ADGRL2: variants seen among roughly 807,000 people sequenced by gnomAD.
ADGRL2 encodes calcium-independent alpha-latrotoxin receptor 2.
In ADGRL2, 44 loss-of-function variants were observed where a neutral mutation model predicts 157.4. That is an observed-to-expected ratio of 0.28 (90% confidence interval 0.22 to 0.36). The LOEUF is 0.36. Among genes scored for constraint, ADGRL2 ranks in the 10% least tolerant of loss-of-function variants. ADGRL2 has a pLI of 1.00. For missense variants in ADGRL2, 1,510 were observed against 1,768.9 expected (o/e 0.85, Z 2.63); for synonymous variants, 585 against 624.7 (o/e 0.94, Z 0.95).
At chr1:81,883,432 T>C (rs1438586669) in intron 2 of ADGRL2, among the ~76,000 whole-genome samples, 1 of 152,174 alleles carries the variant, frequency 6.6e-6, no homozygotes, top group Admixed American at 6.5e-5. Flanking sequence ...GACTATTGCT[T>C]TGATGTAGAT....
rs888488682 is a variant in ADGRL2, at chr1:81,991,645, T to C, written c.*500T>C. ...TCAGTTTGCAGTTCACTGCAAATCTTTTACATTAAGGCAAAGATTGAAAAC... is the reference window on the plus strand; with the variant it reads ...TCAGTTTGCAGTTCACTGCAAATCTCTTACATTAAGGCAAAGATTGAAAAC... On this transcript the variant is annotated 3_prime_UTR_variant, in exon 24 of 24. Coordinates refer to ENST00000686636, the MANE Select transcript of ADGRL2 (RefSeq NM_001366006.2). The C allele has an allele frequency of 7.8e-5, 12 of 153,382 alleles. No individual in the cohort carries two copies. The highest frequency in any genetic ancestry group is 2.9e-4 in the African/African-American group (12 of 41,460). 9.5% of individuals were successfully genotyped at this position (153,382 alleles called of 1,614,324 possible). A position where few individuals can be genotyped will look rare whatever the true frequency, so the allele number is the denominator to read the frequency against.
intron 1 of ADGRL2, among the ~76,000 whole-genome samples, chr1:81,832,833 C>T (rs2092042119): frequency 6.6e-6 from 1 of 152,262 alleles, no homozygotes; most frequent in African/African-American, 2.4e-5. Context: ...GTTTGCTTAG[C>T]TGACTTACTG....
chr1:81,416,909 A>G (rs955320235), intron 1 of ADGRL2, among the ~76,000 whole-genome samples: 2 of 152,216 alleles, frequency 1.3e-5, no homozygotes, highest in African/African-American at 4.8e-5. Flanking sequence ...TAATTATCTT[A>G]GAATTGGGCT....
rs1314922174 is a variant in ADGRL2, at chr1:81,976,013, G to A, written c.3022-3856G>A. ...TTAGCATTACATTTTTTTAACATTGGAGAAAATAAGATAACTGTAAAACCA... is the reference window on the plus strand; with the variant it reads ...TTAGCATTACATTTTTTTAACATTGAAGAAAATAAGATAACTGTAAAACCA... On this transcript the variant is annotated intron_variant, in intron 17 of 23. Transcript: ENST00000686636. Among the ~76,000 whole-genome samples the A allele has an allele frequency of 4.0e-5, 6 of 151,762 alleles. No individual in the cohort carries two copies. In the South Asian group the frequency reaches 6.2e-4, roughly 16 times the overall value.
chr1:81,948,345 A>G (rs1292456438), intron 6 of ADGRL2, among the ~76,000 whole-genome samples: 2 of 152,100 alleles, frequency 1.3e-5, no homozygotes, highest in Non-Finnish European at 2.9e-5. Flanking sequence ...TTTAATGTCT[A>G]CCTTGACTCG....
chr1:81,546,564 C>T (rs2080023346), intron 2 of ADGRL2, among the ~76,000 whole-genome samples: 1 of 152,166 alleles, frequency 6.6e-6, no homozygotes, highest in African/African-American at 2.4e-5. Flanking sequence ...AGAAATGGCG[C>T]TTATTTCTTT....
chr1:81,479,334 T>A (rs892476630), intron 2 of ADGRL2, among the ~76,000 whole-genome samples: 7 of 148,248 alleles, frequency 4.7e-5, no homozygotes, highest in African/African-American at 7.5e-5. Flanking sequence ...AAAAAAAAAA[T>A]TAGCTGGGTG....
chr1:81,898,022 T>C (rs2094423936), intron 2 of ADGRL2, among the ~76,000 whole-genome samples: 1 of 152,156 alleles, frequency 6.6e-6, no homozygotes, highest in South Asian at 2.1e-4. Flanking sequence ...TTCGAGCCCA[T>C]ATGCTTGAGC....
At position 81,802,101 on chromosome 1, in the gene ADGRL2, C is replaced by T. The variant is rs1269288210; in HGVS notation, c.-101+1033C>T. ...TGCGGCGCTGCCTCCCGCGCGGACT[C>T]GGCGGCCGAGGACCCGCTCGCGGCC... On this transcript the variant is annotated intron_variant, in intron 1 of 23. Transcript: ENST00000686636. 2.0e-5 allele frequency among the ~76,000 whole-genome samples: 3 copies of T among 150,292 alleles called. 1 individual carries two copies. The highest frequency in any genetic ancestry group is 4.1e-4 in the South Asian group (2 of 4,822).
chr1:81,389,617 A>G (rs1429521386), intron 1 of ADGRL2, among the ~76,000 whole-genome samples: 1 of 152,220 alleles, frequency 6.6e-6, no homozygotes, highest in Non-Finnish European at 1.5e-5. Flanking sequence ...TGGAGTTTCA[A>G]GAATGCGTCC....
intron 2 of ADGRL2, among the ~76,000 whole-genome samples, chr1:81,771,620 C>G (rs756821866): frequency 1.3e-5 from 2 of 152,206 alleles, no homozygotes; most frequent in African/African-American, 4.8e-5. Context: ...TTCACACACT[C>G]TTAATGGTCT....
At chr1:81,329,852 A>T (rs1400763852) in intron 1 of ADGRL2, among the ~76,000 whole-genome samples, 1 of 152,150 alleles carries the variant, frequency 6.6e-6, no homozygotes, top group East Asian at 1.9e-4. Context: ...GCCTCAACTG[A>T]AACATTATCG....
intron 1 of ADGRL2, among the ~76,000 whole-genome samples, chr1:81,802,988 C>T (rs1029244894): frequency 6.6e-5 from 10 of 152,066 alleles, no homozygotes; most frequent in Non-Finnish European, 1.3e-4. Flanking sequence ...GGCCGGGGAC[C>T]CGGCGGGCCA....
upstream of ADGRL2, chr1:81,800,386 G>A (rs1292252276): frequency 6.6e-6 from 1 of 152,124 alleles, no homozygotes; most frequent in African/African-American, 2.4e-5. Context: ...GCAGCCGGAC[G>A]GAGGCAGCCG....
intron 1 of ADGRL2, among the ~76,000 whole-genome samples, chr1:81,803,366 G>A (rs12116885): frequency 1.3e-5 from 2 of 152,094 alleles, no homozygotes; most frequent in African/African-American, 4.8e-5. Context: ...AGACTGCGGG[G>A]TGGGGGTGAG....
chr1:81,332,871 GT>G (rs1661365666), intron 1 of ADGRL2, among the ~76,000 whole-genome samples: 1 of 152,090 alleles, frequency 6.6e-6, no homozygotes, highest in African/African-American at 2.4e-5. Context: ...AAAAGTATAT[GT>G]TTTTCTTTAC....
At chr1:81,731,717 G>C (rs2084730152) in intron 1 of ADGRL2, among the ~76,000 whole-genome samples, 1 of 152,058 alleles carries the variant, frequency 6.6e-6, no homozygotes, top group Non-Finnish European at 1.5e-5. Context: ...ACAGTGTTCA[G>C]TACCATTTAT....
chr1:81,493,440 C>G (rs2078673227), intron 2 of ADGRL2, among the ~76,000 whole-genome samples: 1 of 152,146 alleles, frequency 6.6e-6, no homozygotes, highest in Non-Finnish European at 1.5e-5. Context: ...AATTTTATTT[C>G]ATTAACTATT....
upstream of ADGRL2, among the ~76,000 whole-genome samples, chr1:81,695,908 G>C (rs542234246): frequency 6.6e-6 from 1 of 151,678 alleles, no homozygotes; most frequent in South Asian, 2.1e-4. Context: ...CTTTCTGCCA[G>C]GTTCTTGGGC....
Sources: allele counts gnomAD v4.1 joint callset (sites outside exome capture counted in the v4.1 genomes callset), GRCh38; gene constraint gnomAD v4.1.1; transcripts MANE v1.5; gene names NCBI Gene and HGNC (gene_info 2026-07-23, HGNC 2026-07-21).